IL17RB: variants seen among roughly 807,000 people sequenced by gnomAD.
IL17RB encodes the protein interleukin 17 receptor B.
A neutral mutation model predicts 43.9 loss-of-function variants in IL17RB; 36 were observed. The ratio of observed to expected loss-of-function variants is 0.82; its 90% CI spans 0.63 to 1.08. The LOEUF (loss-of-function observed/expected upper bound fraction) is 1.08, where lower values mean the gene tolerates loss of function less well. Among genes scored for constraint, IL17RB ranks in the 50% least tolerant of loss-of-function variants. The probability of loss-of-function intolerance (pLI) is 0.00; values close to 1 mark genes in which losing one functional copy is unlikely to be tolerated. For synonymous variants in IL17RB, 225 were observed against 225.4 expected, an observed-to-expected ratio of 1.00 and a Z score of 0.02; for missense variants, 613 against 613.6, an observed-to-expected ratio of 1.00 and a Z score of 0.01.
rs1043265 is a variant in IL17RB, at chr3:53,865,348, C to T, written c.*40C>T. On this transcript the variant is annotated 3_prime_UTR_variant, in exon 11 of 11. Coordinates refer to ENST00000288167, the MANE Select transcript of IL17RB (RefSeq NM_018725.4). ...GCAAGAGACCTTAAAGGCTTCCTAT[C>T]CCACCAATTACAGGGAAAAAACGTG... 1.3e-6 allele frequency: 2 copies of T among 1,494,068 alleles called. No homozygotes were observed. The highest frequency in any genetic ancestry group is 2.8e-5 in the African/African-American group (2 of 71,830). The allele number at this position is 1,494,068 out of a possible 1,614,324, so 92.6% of individuals were successfully genotyped here.
In IL17RB at chr3:53,852,799, C is replaced by A. The variant is rs1699198173; in HGVS notation, c.355-72C>A. On this transcript the variant is annotated intron_variant, in intron 4 of 10. Coordinates refer to ENST00000288167, the MANE Select transcript of IL17RB (RefSeq NM_018725.4). ...AGTAATGAAATACAAACTAAAAGGG[C>A]AACACACTAAGGTATACTGTTTCTG... is the stretch of plus-strand genomic sequence containing the variant. The A allele has an allele frequency of 1.7e-5, 24 of 1,445,650 alleles. No individual in the cohort carries two copies. In the Admixed American group the frequency reaches 4.3e-4, roughly 26 times the overall value. 89.6% of individuals were successfully genotyped at this position (1,445,650 alleles called of 1,614,324 possible).
In IL17RB at chr3:53,857,619, C is replaced by G. The variant is rs1699390303; in HGVS notation, c.676C>G (p.His226Asp). 1 of 1,613,890 alleles carries G rather than the reference C, an allele frequency of 6.2e-7. No individual in the cohort carries two copies. The highest frequency in any genetic ancestry group is 1.7e-5 in the Admixed American group (1 of 60,008). ...TCTTGACTCTCTCTCTCTTAAGCCA[C>G]ACCAGAAGAAACAAACGCGAGCTTC... ...IIGFSQVFEP[H>D]QKKQTRASVV... The change falls in exon 8 of 11, where the codon CAC becomes GAC. Residue 226 changes from histidine (H) to aspartate (D), a missense_variant. His to Asp is a moderately conservative substitution (Grantham distance 81). Transcript: ENST00000288167.
rs372121347 is a variant in IL17RB at position 53,858,830 on chromosome 3, G to A, written c.847+12G>A. The A allele has an allele frequency of 2.1e-4, 338 of 1,600,746 alleles. No homozygotes were observed. In the Middle Eastern group the frequency reaches 2.2e-3, roughly 10 times the overall value. ...CCCTCTGGATAACAGTAAGTGCCCA[G>A]TAACTTCAACCAGATGATCAAAGTG... is the stretch of plus-strand genomic sequence containing the variant. On this transcript the variant is annotated intron_variant, in intron 9 of 10. Transcript: ENST00000288167.
chr3:53,851,897 G>C (rs1298886389), intron 3 of IL17RB, 102 bp from the exon 4 acceptor site: 3 of 1,345,410 alleles, frequency 2.2e-6, no homozygotes, highest in Non-Finnish European at 3.1e-6. Context: ...TTGTGAATAT[G>C]AACCGAGACA....
At position 53,846,622 on chromosome 3, in the gene IL17RB, T is replaced by G. The variant is rs762208408; in HGVS notation, c.34T>G (p.Cys12Gly). ...SLVLLSLAAL[C>G]RSAVPREPTV... ...CGTGCTGCTAAGCCTGGCCGCGCTG[T>G]GCAGGAGCGCCGTACCCCGAGAGCC... The change falls in exon 1 of 11, where the codon TGC becomes GGC. Residue 12 changes from cysteine (C) to glycine (G), a missense_variant. Physicochemically the swap from Cys to Gly is radical, Grantham distance 159. Coordinates refer to ENST00000288167, the MANE Select transcript of IL17RB (RefSeq NM_018725.4). 3 of 1,593,772 alleles carry G rather than the reference T, an allele frequency of 1.9e-6. No homozygotes were observed. In the Admixed American group the frequency reaches 5.1e-5, roughly 27 times the overall value.
intron 7 of IL17RB, 71 bp from the exon 8 acceptor site, chr3:53,857,545 A>G (rs979555439): frequency 9.1e-6 from 13 of 1,422,132 alleles, no homozygotes; most frequent in South Asian, 1.2e-5. Context: ...TTGGCCTCCC[A>G]AAGTGTTGGG....
chr3:53,860,293 G>T, intron 10 of IL17RB, 65 bp downstream of exon 10: 1 of 1,357,398 alleles, frequency 7.4e-7, no homozygotes, highest in East Asian at 2.3e-5. Flanking sequence ...TTTTTTTAAA[G>T]AAGATTCCTC....
In IL17RB at chr3:53,849,725, T is replaced by C; in HGVS notation, c.156T>C (p.Pro52=). 6.2e-7 allele frequency: 1 copy of C among 1,613,028 alleles called. No individual in the cohort carries two copies. Among genetic ancestry groups the C allele is most frequent in the South Asian group, 1.1e-5 (1 of 90,862 alleles). The change falls in exon 3 of 11, where the codon CCT becomes CCC. Residue 52 remains proline (P), a synonymous_variant. Coordinates refer to ENST00000288167, the MANE Select transcript of IL17RB (RefSeq NM_018725.4). ...ACTTGAGGGACCTCCGAGTAGAACC[T>C]GTTACAACTAGTGTTGCAACAGGGG... The part of the protein sequence containing the change: ...PGDLRDLRVE[P]VTTSVATGDY...
intron 3 of IL17RB, 46 bp downstream of exon 3, chr3:53,849,841 T>C: frequency 6.5e-7 from 1 of 1,536,346 alleles, no homozygotes. Flanking sequence ...GTCTACTAAA[T>C]CAGAAATGTG....
chr3:53,853,091 T>C (rs1699215397), intron 5 of IL17RB, 94 bp downstream of exon 5: 1 of 1,455,250 alleles, frequency 6.9e-7, no homozygotes, highest in Non-Finnish European at 9.6e-7. Context: ...TGGATAAGGC[T>C]TTTGGCCTTG....
rs1559775648 is a variant in IL17RB at position 53,852,043 on chromosome 3, AAAAGC to A, written c.274_278del (p.Ser92LeufsTer25). ...GGCCACCAAGATTTGTGTGACGGGC[AAAAGC>A]AACTTCCAGTCCTACAGCTGTGTGA... is the stretch of plus-strand genomic sequence containing the variant. On this transcript the variant is annotated frameshift_variant, in exon 4 of 11. Transcript: ENST00000288167. LOFTEE classifies it high-confidence loss of function. 6.2e-7 allele frequency: 1 copy of A among 1,614,192 alleles called. No individual in the cohort carries two copies. Among genetic ancestry groups the A allele is most frequent in the Admixed American group, 1.7e-5 (1 of 60,030 alleles).
At chr3:53,862,787 C>G (rs1441443988) in intron 10 of IL17RB, among the ~76,000 whole-genome samples, 1 of 152,178 alleles carries the variant, frequency 6.6e-6, no homozygotes, top group Non-Finnish European at 1.5e-5. Flanking sequence ...TTCTATGATA[C>G]AAGCATTAAA....
rs570830150 is a variant in IL17RB at position 53,850,875 on chromosome 3, T to C, written c.226+1080T>C. Among the ~76,000 whole-genome samples the C allele has an allele frequency of 2.6e-5, 4 of 152,204 alleles. No individual in the cohort carries two copies. In the South Asian group the frequency reaches 6.2e-4, roughly 24 times the overall value. Reference sequence around the variant, plus strand: ...TGGGGTAGGAATAACTGTAAGGAAGTATGAGGAGCACACCTGAGGGAGTTT... The same window carrying C: ...TGGGGTAGGAATAACTGTAAGGAAGCATGAGGAGCACACCTGAGGGAGTTT... On this transcript the variant is annotated intron_variant, in intron 3 of 10. Coordinates refer to ENST00000288167, the MANE Select transcript of IL17RB (RefSeq NM_018725.4).
chr3:53,863,821 ATTTT>A (rs11318618), intron 10 of IL17RB, among the ~76,000 whole-genome samples: 27,281 of 138,286 alleles, frequency 0.2, 2,654 homozygotes, highest in East Asian at 0.39. Flanking sequence ...ACCTCAAAGT[ATTTT>A]TTTTTTTTTT....
chr3:53,846,643 G>C lies in IL17RB; in HGVS notation c.55G>C (p.Glu19Gln). 1 of 1,591,578 alleles carries C rather than the reference G, an allele frequency of 6.3e-7. No homozygotes were observed. Among genetic ancestry groups the C allele is most frequent in the Non-Finnish European group, 8.5e-7 (1 of 1,172,142 alleles). Residue 19 changes from glutamate (E) to glutamine (Q), a missense_variant, in exon 1 of 11, where the codon GAG becomes CAG. Coordinates refer to ENST00000288167, the MANE Select transcript of IL17RB (RefSeq NM_018725.4). ...AALCRSAVPR[E>Q]PTVQCGSETG... is the part of the protein sequence containing the mutation. ...GCTGTGCAGGAGCGCCGTACCCCGA[G>C]AGCCGGTAAGCCCCCGCCAGCACCT...
At chr3:53,852,432 G>A (rs1473174210) in intron 4 of IL17RB, among the ~76,000 whole-genome samples, 1 of 152,092 alleles carries the variant, frequency 6.6e-6, no homozygotes, top group African/African-American at 2.4e-5. Context: ...ACTGTATCCG[G>A]GCATAGACAC....
chr3:53,861,952 G>A (rs1474897529), intron 10 of IL17RB, among the ~76,000 whole-genome samples: 2 of 152,184 alleles, frequency 1.3e-5, no homozygotes, highest in Non-Finnish European at 2.9e-5. Context: ...ATGCAATTGG[G>A]TTTATGATCA....
intron 6 of IL17RB, among the ~76,000 whole-genome samples, chr3:53,856,515 G>A (rs1397219953): frequency 6.6e-6 from 1 of 152,136 alleles, no homozygotes; most frequent in African/African-American, 2.4e-5. Flanking sequence ...TCCCCATCCT[G>A]GGAAGTAGAA....
intron 6 of IL17RB, 92 bp downstream of exon 6, chr3:53,855,433 C>A: frequency 2.3e-6 from 2 of 884,146 alleles, no homozygotes; most frequent in Non-Finnish European, 3.6e-6. Context: ...AAGAACTGAG[C>A]CCTAGGGGAG....
Sources: gnomAD v4.1 joint callset for allele counts (sites outside exome capture counted in the v4.1 genomes callset) on GRCh38, gnomAD v4.1.1 for gene constraint, MANE v1.5 for transcripts, NCBI Gene and HGNC (gene_info 2026-07-23, HGNC 2026-07-21) for gene names.